Variants in PCDHA7 observed in about 807,000 individuals in gnomAD.
PCDHA7 encodes the protein protocadherin alpha 7.
In PCDHA7, 37 loss-of-function variants were observed where a neutral mutation model predicts 57.2. That is an observed-to-expected ratio of 0.65 (90% confidence interval 0.50 to 0.85). The LOEUF is 0.85. Among genes scored for constraint, PCDHA7 ranks in the 40% least tolerant of loss-of-function variants. The pLI, the probability that PCDHA7 is intolerant of heterozygous loss-of-function variation, is 0.00. For missense variants in PCDHA7, 1,188 were observed against 1,241.8 expected, an observed-to-expected ratio of 0.96 and a Z score of 0.65; for synonymous variants, 553 against 558.8, an observed-to-expected ratio of 0.99 and a Z score of 0.15.
At chr5:140,939,089 A>C (rs1048123737) in intron 1 of PCDHA7, among the ~76,000 whole-genome samples, 11 of 152,204 alleles carry the variant, frequency 7.2e-5, no homozygotes, top group Non-Finnish European at 1.2e-4. Context: ...TGGGTGGCTT[A>C]AAAACAATAG....
chr5:140,834,488 C>G lies in PCDHA7; in HGVS notation c.105C>G (p.Val35=). ...EAGRGQLHYS[V]PEEAKHGNFV... Reference sequence around the variant, plus strand: ...GGAGAGGCCAGCTCCACTACTCGGTCCCCGAGGAGGCTAAACATGGCAACT... The same window carrying G: ...GGAGAGGCCAGCTCCACTACTCGGTGCCCGAGGAGGCTAAACATGGCAACT... The change falls in exon 1 of 4, where the codon GTC becomes GTG. Residue 35 remains valine (V), a synonymous_variant. Transcript: ENST00000525929. 6.2e-7 allele frequency: 1 copy of G among 1,614,154 alleles called. No individual in the cohort carries two copies.
At chr5:140,888,972 G>A (rs900678700) in intron 1 of PCDHA7, among the ~76,000 whole-genome samples, 15 of 151,928 alleles carry the variant, frequency 9.9e-5, no homozygotes, top group Non-Finnish European at 4.4e-5. Context: ...TTAATGTGTT[G>A]AATTTATGAT....
chr5:140,842,933 C>A (rs1356851691), intron 1 of PCDHA7: 6 of 1,594,424 alleles, frequency 3.8e-6, no homozygotes, highest in Non-Finnish European at 4.3e-6. Context: ...GGTGAGCGCG[C>A]GCGACGCGGG....
In PCDHA7 at chr5:141,000,416, TATATA is replaced by T. The variant is rs1214257718; in HGVS notation, c.2504-9210_2504-9206del. On this transcript the variant is annotated intron_variant, in intron 3 of 3. Coordinates refer to ENST00000525929, the MANE Select transcript of PCDHA7 (RefSeq NM_018910.3). ...CTCTCTATATATATATATATATATA[TATATA>T]TTTTTTTTTTTTTTTTTTTTTTTGA... 2.1e-3 allele frequency among the ~76,000 whole-genome samples: 195 copies of T among 93,382 alleles called. 1 individual carries two copies. Among genetic ancestry groups the T allele is most frequent in the African/African-American group, 4.2e-3 (94 of 22,362 alleles). 61.3% of individuals were successfully genotyped at this position (93,382 alleles called of 152,430 possible). A position where few individuals can be genotyped will look rare whatever the true frequency, so the allele number is the denominator to read the frequency against.
At chr5:140,923,397 G>A (rs1392831353) in intron 1 of PCDHA7, among the ~76,000 whole-genome samples, 2 of 152,128 alleles carry the variant, frequency 1.3e-5, no homozygotes, top group East Asian at 3.9e-4. Flanking sequence ...GCATGGTGGT[G>A]TGTGCCTATA....
intron 1 of PCDHA7, chr5:140,882,155 T>C (rs1317545188): frequency 1.3e-6 from 2 of 1,504,050 alleles, no homozygotes; most frequent in Admixed American, 2.3e-5. Flanking sequence ...GAAAGCGGAA[T>C]ACCTCTTGCG....
intron 1 of PCDHA7, chr5:140,877,170 G>A (rs782615376): frequency 6.2e-7 from 1 of 1,613,712 alleles, no homozygotes. Flanking sequence ...CGGCACTGCT[G>A]GCGACTCCGG....
rs148067258 is a variant in PCDHA7 at position 140,850,948 on chromosome 5, G to A, written c.2355+14210G>A. The A allele has an allele frequency of 9.7e-3, 14,493 of 1,499,630 alleles. 1,246 individuals are homozygous for A. Among genetic ancestry groups the A allele is most frequent in the Non-Finnish European group, 0.01 (11,557 of 1,116,880 alleles). The allele number at this position is 1,499,630 out of a possible 1,614,324, so 92.9% of individuals were successfully genotyped here. On this transcript the variant is annotated intron_variant, in intron 1 of 3. Coordinates refer to ENST00000525929, the MANE Select transcript of PCDHA7 (RefSeq NM_018910.3). The stretch of plus-strand genomic sequence containing the variant: ...ATTTTTTTTCTTGAAAGATATTATC[G>A]ATTACTCCCAGGGGCCGTTCAAATA...
intron 1 of PCDHA7, among the ~76,000 whole-genome samples, chr5:140,939,903 C>T (rs782506444): frequency 6.6e-6 from 1 of 152,046 alleles, no homozygotes; most frequent in African/African-American, 2.4e-5. Flanking sequence ...ATTCTGCATT[C>T]TTTTTTATTC....
Position 140,858,189 on chromosome 5 carries a change from T to C in PCDHA7, c.2355+21451T>C. The C allele has an allele frequency of 1.3e-6, 2 of 1,597,232 alleles. 1 individual carries two copies. Among genetic ancestry groups the C allele is most frequent in the Non-Finnish European group, 1.7e-6 (2 of 1,167,008 alleles). On this transcript the variant is annotated intron_variant, in intron 1 of 3. Coordinates refer to ENST00000525929, the MANE Select transcript of PCDHA7 (RefSeq NM_018910.3). ...TCCAGCTTGCTGGTGCTCACGCTGC[T>C]GCTGTACACTGCACTGAGGTGCTCG...
chr5:141,003,685 A>G (rs782131958), intron 3 of PCDHA7, among the ~76,000 whole-genome samples: 12 of 152,198 alleles, frequency 7.9e-5, no homozygotes, highest in Non-Finnish European at 1.2e-4. Flanking sequence ...TCTGATTTTA[A>G]AATATATCCC....
chr5:140,996,701 A>G (rs782320896), intron 3 of PCDHA7, among the ~76,000 whole-genome samples: 2 of 152,130 alleles, frequency 1.3e-5, no homozygotes, highest in Non-Finnish European at 2.9e-5. Flanking sequence ...CTGAACCTCT[A>G]TCTCTTTGAT....
intron 1 of PCDHA7, among the ~76,000 whole-genome samples, chr5:140,844,934 G>A (rs1554140786): frequency 6.7e-6 from 1 of 149,226 alleles, no homozygotes; most frequent in Admixed American, 6.7e-5. Context: ...GGGAATGAAC[G>A]ATTTCTGGGA....
chr5:140,913,471 C>G (rs2076351409), intron 1 of PCDHA7, among the ~76,000 whole-genome samples: 1 of 152,010 alleles, frequency 6.6e-6, no homozygotes, highest in South Asian at 2.1e-4. Context: ...TGGGTCTTCT[C>G]TCTTTTTTTC....
intron 1 of PCDHA7, among the ~76,000 whole-genome samples, chr5:140,950,382 A>G (rs1424724989): frequency 3.3e-5 from 5 of 151,950 alleles, no homozygotes; most frequent in African/African-American, 7.2e-5. Context: ...CTTCCATTTG[A>G]ATGATATAGA....
rs199902550 is a variant in PCDHA7 at position 140,965,368 on chromosome 5, A to C, written c.2356-13581A>C. On this transcript the variant is annotated intron_variant, in intron 1 of 3. Transcript: ENST00000525929. ...TTGCCTCTATAGCAGTACAAGAGGAAACTTGGGGACACAGAAGAACAGAAG... is the reference window on the plus strand; with the variant it reads ...TTGCCTCTATAGCAGTACAAGAGGACACTTGGGGACACAGAAGAACAGAAG... 8.5e-5 allele frequency among the ~76,000 whole-genome samples: 13 copies of C among 152,290 alleles called. No homozygotes were observed. The East Asian group carries it at 2.5e-3, about 29-fold the overall frequency.
At chr5:140,883,688 A>G (rs782730096) in intron 1 of PCDHA7, 2 of 1,613,792 alleles carry the variant, frequency 1.2e-6, no homozygotes, top group Middle Eastern at 1.7e-4. Flanking sequence ...GGGCTGCCAC[A>G]TCTTCACGGT....
At chr5:140,926,330 G>T (rs1269020840) in intron 1 of PCDHA7, 1 of 152,266 alleles carries the variant, frequency 6.6e-6, no homozygotes, top group East Asian at 1.9e-4. Flanking sequence ...CGGGGTCAGA[G>T]CGCCGGGACC....
At chr5:140,938,796 C>T (rs563991147) in intron 1 of PCDHA7, among the ~76,000 whole-genome samples, 4 of 152,138 alleles carry the variant, frequency 2.6e-5, no homozygotes, top group East Asian at 3.9e-4. Context: ...ATGAAATAAT[C>T]GGTACCACAA....
Sources: allele counts gnomAD v4.1 joint callset (sites outside exome capture counted in the v4.1 genomes callset), GRCh38; gene constraint gnomAD v4.1.1; transcripts MANE v1.5; gene names NCBI Gene and HGNC (gene_info 2026-07-23, HGNC 2026-07-21).